The following CPEB3 variants were observed in gnomAD, a reference collection of about 807,000 sequenced individuals.
CPEB3 encodes cytoplasmic polyadenylation element binding protein 3, also known as cytoplasmic polyadenylation element-binding protein 3.
In CPEB3, 20 loss-of-function variants were observed where a neutral mutation model predicts 67.2. The ratio of observed to expected loss-of-function variants is 0.30; its 90% CI spans 0.21 to 0.43. The LOEUF (loss-of-function observed/expected upper bound fraction) is 0.43, where lower values mean the gene tolerates loss of function less well. Among genes scored for constraint, CPEB3 ranks in the 20% least tolerant of loss-of-function variants. The probability of loss-of-function intolerance (pLI) is 1.00; values close to 1 mark genes in which losing one functional copy is unlikely to be tolerated. For synonymous variants in CPEB3, 376 were observed against 393.1 expected (o/e 0.96, Z 0.51); for missense variants, 746 against 968.6 (o/e 0.77, Z 3.05).
intron 4 of CPEB3, among the ~76,000 whole-genome samples, chr10:92,163,834 G>T (rs1590277386): frequency 6.6e-6 from 1 of 152,290 alleles, no homozygotes; most frequent in African/African-American, 2.4e-5. Flanking sequence ...TAAAAAAGAT[G>T]CTTGAAGGGG....
Position 92,052,009 on chromosome 10 carries a change from C to T in CPEB3, c.*203G>A. On this transcript the variant is annotated 3_prime_UTR_variant, in exon 10 of 10. Coordinates refer to ENST00000265997, the MANE Select transcript of CPEB3 (RefSeq NM_014912.5). ...AAGTGCAAATCAGTACCATTCTACA[C>T]TCTGCAATTCTGCATTATACTGGAC... 1 of 541,514 alleles carries T rather than the reference C, an allele frequency of 1.8e-6. No homozygotes were observed. The highest frequency in any genetic ancestry group is 3.3e-6 in the Non-Finnish European group (1 of 303,874). The allele number at this position is 541,514 out of a possible 1,614,324, so 33.5% of individuals were successfully genotyped here. A position where few individuals can be genotyped will look rare whatever the true frequency, so the allele number is the denominator to read the frequency against.
At chr10:92,157,749 T>C (rs555763695) in intron 4 of CPEB3, among the ~76,000 whole-genome samples, 1 of 152,266 alleles carries the variant, frequency 6.6e-6, no homozygotes, top group South Asian at 2.1e-4. Flanking sequence ...GAAAAATATA[T>C]ATGTTTGGCC....
rs758694732 is a variant in CPEB3 at position 92,181,028 on chromosome 10, T to C, written c.1166-9A>G. 2.1e-6 allele frequency: 3 copies of C among 1,445,362 alleles called. No homozygotes were observed. Among genetic ancestry groups the C allele is most frequent in the South Asian group, 1.2e-5 (1 of 86,504 alleles). The allele number at this position is 1,445,362 out of a possible 1,614,324, so 89.5% of individuals were successfully genotyped here. On this transcript the variant is annotated splice_polypyrimidine_tract_variant and intron_variant, in intron 3 of 9. Coordinates refer to ENST00000265997, the MANE Select transcript of CPEB3 (RefSeq NM_014912.5). ...ATTTATCCCCATGCGTCCTAAAAAATAAAATAATTTTAAGCAAAAAGAATG... is the reference window on the plus strand; with the variant it reads ...ATTTATCCCCATGCGTCCTAAAAAACAAAATAATTTTAAGCAAAAAGAATG...
intron 9 of CPEB3, among the ~76,000 whole-genome samples, chr10:92,072,675 T>A (rs905401743): frequency 6.6e-6 from 1 of 152,222 alleles, no homozygotes. Flanking sequence ...TTTGTTTGTT[T>A]GTTTGTTTTG....
intron 2 of CPEB3, among the ~76,000 whole-genome samples, chr10:92,237,926 T>G (rs958767909): frequency 6.6e-6 from 1 of 152,226 alleles, no homozygotes; most frequent in Non-Finnish European, 1.5e-5. Flanking sequence ...AAATTCCTTG[T>G]GAAGATCCTC....
intron 2 of CPEB3, among the ~76,000 whole-genome samples, chr10:92,227,651 C>T (rs572121616): frequency 1.3e-4 from 19 of 143,504 alleles, no homozygotes; most frequent in African/African-American, 5.0e-4. Flanking sequence ...AGTGCAGTGG[C>T]GCGATCTCGG....
intron 1 of CPEB3, among the ~76,000 whole-genome samples, chr10:92,289,732 A>AAAAAAAAAAAAAATATAT: frequency 5.1e-4 from 39 of 75,756 alleles, no homozygotes; most frequent in Non-Finnish European, 8.7e-4. Context: ...AAAAAAAAAA[A>AAAAAAAAAAAAAATATAT]ATATATATAT....
At position 92,057,068 on chromosome 10, in the gene CPEB3, C is replaced by T. The variant is rs183034563; in HGVS notation, c.1870-4629G>A. 2.3e-3 allele frequency among the ~76,000 whole-genome samples: 354 copies of T among 152,314 alleles called. 1 individual carries two copies. Among genetic ancestry groups the T allele is most frequent in the African/African-American group, 7.5e-3 (311 of 41,576 alleles). On this transcript the variant is annotated intron_variant, in intron 9 of 9. Transcript: ENST00000265997. ...GAGCCCTTGGGCCCTGAATAGCCAGCAGTGACACCCAGGACCTTGGGTGAG... is the reference window on the plus strand; with the variant it reads ...GAGCCCTTGGGCCCTGAATAGCCAGTAGTGACACCCAGGACCTTGGGTGAG...
intron 2 of CPEB3, among the ~76,000 whole-genome samples, chr10:92,201,957 G>C (rs182508693): frequency 4.6e-5 from 7 of 152,234 alleles, no homozygotes; most frequent in Non-Finnish European, 1.0e-4. Context: ...TTATCGAGCA[G>C]AGGGCCTGGC....
chr10:92,277,489 C>T (rs571576554), intron 1 of CPEB3, among the ~76,000 whole-genome samples: 1 of 152,296 alleles, frequency 6.6e-6, no homozygotes, highest in South Asian at 2.1e-4. Context: ...TCCTGTTCCA[C>T]TGATCTAAAT....
rs1590414356 is a variant in CPEB3 at position 92,216,703 on chromosome 10, C to T, written c.1005+22643G>A. On this transcript the variant is annotated intron_variant, in intron 2 of 9. Coordinates refer to ENST00000265997, the MANE Select transcript of CPEB3 (RefSeq NM_014912.5). ...CAGCCACAGGCTCCAAGCGCCCCAC[C>T]TGTGTGATAATGGTCAAGCCCCACG... 10 of 1,606,062 alleles carry T rather than the reference C, an allele frequency of 6.2e-6. No homozygotes were observed. The East Asian group carries it at 2.2e-4, about 36-fold the overall frequency.
intron 4 of CPEB3, among the ~76,000 whole-genome samples, chr10:92,178,457 C>G (rs1163769773): frequency 6.6e-6 from 1 of 152,166 alleles, no homozygotes; most frequent in African/African-American, 2.4e-5. Context: ...CCACGCCCAG[C>G]GATCTCAATT....
At chr10:92,098,770 C>CTTTTTTTTTTTTT (rs984013045) in intron 7 of CPEB3, among the ~76,000 whole-genome samples, 2 of 124,560 alleles carry the variant, frequency 1.6e-5, no homozygotes, top group African/African-American at 3.2e-5. Flanking sequence ...TTCTTTTTTT[C>CTTTTTTTTTTTTT]TTTTTTTTTT....
chr10:92,092,179 C>T (rs1843647616), intron 7 of CPEB3, among the ~76,000 whole-genome samples: 1 of 152,210 alleles, frequency 6.6e-6, no homozygotes, highest in East Asian at 1.9e-4. Flanking sequence ...ACCATGAAAC[C>T]ATCAGAAACC....
rs549051136 is a variant in CPEB3, at chr10:92,277,445, C to T, written c.-12+13481G>A. Among the ~76,000 whole-genome samples the T allele has an allele frequency of 3.3e-5, 5 of 152,296 alleles. No individual in the cohort carries two copies. The South Asian group carries it at 1.0e-3, about 32-fold the overall frequency. On this transcript the variant is annotated intron_variant, in intron 1 of 9. Coordinates refer to ENST00000265997, the MANE Select transcript of CPEB3 (RefSeq NM_014912.5). ...TGGCATCCTTGTCAAAATCTATTGA[C>T]TATAAAAGTAAGGGCTTATTTCTGG...
intron 9 of CPEB3, among the ~76,000 whole-genome samples, chr10:92,073,104 C>G (rs930002179): frequency 2.4e-5 from 3 of 126,736 alleles, no homozygotes; most frequent in African/African-American, 9.3e-5. Flanking sequence ...CAGGTACAAT[C>G]GTAGCTCACT....
chr10:92,166,507 A>G (rs768649777), intron 4 of CPEB3, among the ~76,000 whole-genome samples: 5 of 152,228 alleles, frequency 3.3e-5, no homozygotes, highest in Non-Finnish European at 7.3e-5. Context: ...CATGAAAACA[A>G]CATTACTGTC....
At chr10:92,281,079 G>C (rs1050260549) in intron 1 of CPEB3, among the ~76,000 whole-genome samples, 30 of 151,744 alleles carry the variant, frequency 2.0e-4, no homozygotes, top group African/African-American at 7.3e-4. Flanking sequence ...ATCTTTTCAT[G>C]TGCTTACTAT....
At chr10:92,084,164 CAAA>C (rs58877359) in intron 8 of CPEB3, among the ~76,000 whole-genome samples, 8 of 94,036 alleles carry the variant, frequency 8.5e-5, no homozygotes, top group African/African-American at 7.9e-5. Context: ...GACTCTGTCT[CAAA>C]AAAAAAAAAA....
Sources: allele counts gnomAD v4.1 joint callset (sites outside exome capture counted in the v4.1 genomes callset), GRCh38; gene constraint gnomAD v4.1.1; transcripts MANE v1.5; gene names NCBI Gene and HGNC (gene_info 2026-07-23, HGNC 2026-07-21).